The following GTF2IRD1 variants were observed in gnomAD, a reference collection of about 807,000 sequenced individuals.
The protein encoded by GTF2IRD1 is GTF2I repeat domain containing 1.
Under a neutral mutation model 113.2 loss-of-function variants are expected in GTF2IRD1, and 26 were observed. That is an observed-to-expected ratio of 0.23 (90% CI 0.17 to 0.32). GTF2IRD1 has a LOEUF of 0.32. GTF2IRD1 is among the 10% of genes least tolerant of loss of function. GTF2IRD1 has a pLI of 1.00. For synonymous variants in GTF2IRD1, 484 were observed against 529.1 expected, an observed-to-expected ratio of 0.91 and a Z score of 1.17; for missense variants, 864 against 1,280.8, an observed-to-expected ratio of 0.67 and a Z score of 4.97.
intron 1 of GTF2IRD1, among the ~76,000 whole-genome samples, chr7:74,493,634 G>T (rs1203056003): frequency 6.6e-6 from 1 of 152,136 alleles, no homozygotes; most frequent in Non-Finnish European, 1.5e-5. Flanking sequence ...CTAGTAGACA[G>T]GTTCTCCTGT....
intron 19 of GTF2IRD1, among the ~76,000 whole-genome samples, chr7:74,556,803 T>C (rs1583877983): frequency 6.6e-6 from 1 of 150,744 alleles, no homozygotes; most frequent in East Asian, 2.0e-4. Flanking sequence ...TTTGTATTTT[T>C]AGTAGAGATA....
intron 3 of GTF2IRD1, among the ~76,000 whole-genome samples, chr7:74,514,683 G>C (rs1796823508): frequency 6.6e-6 from 1 of 151,894 alleles, no homozygotes; most frequent in Non-Finnish European, 1.5e-5. Context: ...TGGAGCAGGG[G>C]TTGGGGGGTG....
chr7:74,542,197 C>T (rs1326153559), intron 14 of GTF2IRD1, among the ~76,000 whole-genome samples: 2 of 151,910 alleles, frequency 1.3e-5, no homozygotes, highest in Non-Finnish European at 2.9e-5. Flanking sequence ...AGTTCAAGAT[C>T]AGCCTGGCCA....
chr7:74,602,417 GA>G lies in GTF2IRD1; in HGVS notation c.2820del (p.Pro941LeufsTer9), dbSNP rs1554374424. 1 of 1,613,628 alleles carries G rather than the reference GA, an allele frequency of 6.2e-7. No individual in the cohort carries two copies. Among genetic ancestry groups the G allele is most frequent in the Non-Finnish European group, 8.5e-7 (1 of 1,179,740 alleles). On this transcript the variant is annotated frameshift_variant, in exon 27 of 27. Coordinates refer to ENST00000424337, the MANE Select transcript of GTF2IRD1 (RefSeq NM_005685.4). LOFTEE classifies it high-confidence loss of function. ...DYAGLNVQLPGPLNY is the reference protein window; with the variant it reads ...DYAGLNVQLPXPLNY ...GCCGGCCTGAACGTGCAGCTCCCGG[GA>G]CCTCTTAATTACTAGACCTCAGTAC...
intron 22 of GTF2IRD1, among the ~76,000 whole-genome samples, chr7:74,571,895 A>G (rs1800713991): frequency 6.6e-6 from 1 of 152,052 alleles, no homozygotes; most frequent in Non-Finnish European, 1.5e-5. Context: ...GAGGAAGATC[A>G]TTCCACTTAC....
intron 9 of GTF2IRD1, 151 bp downstream of exon 9, chr7:74,530,068 G>A (rs1460384324): frequency 3.6e-6 from 2 of 560,104 alleles, no homozygotes; most frequent in African/African-American, 1.9e-5. Context: ...AAATTAGCCA[G>A]GTGTGGTGGT....
chr7:74,519,146 C>T (rs1182608120), intron 5 of GTF2IRD1, among the ~76,000 whole-genome samples: 6 of 152,222 alleles, frequency 3.9e-5, no homozygotes, highest in African/African-American at 1.4e-4. Context: ...CAATCAACCG[C>T]ACCTGGCGGG....
rs138659089 is a variant in GTF2IRD1, at chr7:74,572,551, G to T, written c.2320+12896G>T. 5,835 of 981,276 alleles carry T rather than the reference G, an allele frequency of 5.9e-3. 27 individuals are homozygous for T. The highest frequency in any genetic ancestry group is 6.2e-3 in the Non-Finnish European group (5,129 of 826,210). The allele number at this position is 981,276 out of a possible 1,614,324, so 60.8% of individuals were successfully genotyped here. The stretch of plus-strand genomic sequence containing the variant: ...CTTTGGGTCTCCATTTCTTTGACGT[G>T]ATACAGAACAAGGACATCCTCCATG... On this transcript the variant is annotated intron_variant, in intron 22 of 26. Transcript: ENST00000424337.
Position 74,515,487 on chromosome 7 carries a change from G to T in GTF2IRD1, c.312G>T (p.Val104=). ...CGGAGGCAGAGCACCCCAAGAAGGT[G>T]CAGCGGGGCGAGGGTGGAGGCCGTA... ...KDPEAEHPKK[V]QRGEGGGRSL... is the part of the protein sequence containing the mutation. Residue 104 remains valine (V), a synonymous_variant, in exon 4 of 27, where the codon GTG becomes GTT. Transcript: ENST00000424337. 1 of 1,610,736 alleles carries T rather than the reference G, an allele frequency of 6.2e-7. No individual in the cohort carries two copies.
At chr7:74,496,524 G>C (rs1033008765) in intron 1 of GTF2IRD1, among the ~76,000 whole-genome samples, 2 of 141,650 alleles carry the variant, frequency 1.4e-5, no homozygotes, top group Non-Finnish European at 3.0e-5. Flanking sequence ...TGCGTGTGTG[G>C]GTGTGCATGT....
chr7:74,576,246 T>C (rs1414282436), intron 22 of GTF2IRD1, among the ~76,000 whole-genome samples: 4 of 151,798 alleles, frequency 2.6e-5, no homozygotes, highest in African/African-American at 9.7e-5. Context: ...AAGTCTGAAA[T>C]GAGTCTTCCA....
At chr7:74,514,314 C>A (rs1462545323) in intron 3 of GTF2IRD1, among the ~76,000 whole-genome samples, 3 of 152,122 alleles carry the variant, frequency 2.0e-5, no homozygotes, top group Admixed American at 2.0e-4. Context: ...AGCCCCCCAC[C>A]CCCCTCAGCC....
Position 74,601,146 on chromosome 7 carries a change from A to C in GTF2IRD1, c.2732A>C (p.Asp911Ala), listed in dbSNP as rs781996498. ...TCCTCTTCCTCGTCCTCTAACCCGG[A>C]TTCAGTGGCATCGGCCAACCAGATC... ...SSSSSSSSNP[D>A]SVASANQISL... The change falls in exon 26 of 27, where the codon GAT becomes GCT. Residue 911 changes from aspartate (D) to alanine (A), a missense_variant. By Grantham distance (126) the Asp-to-Ala change is moderately radical (BLOSUM62 -2). Coordinates refer to ENST00000424337, the MANE Select transcript of GTF2IRD1 (RefSeq NM_005685.4). The C allele has an allele frequency of 6.2e-7, 1 of 1,608,310 alleles. No individual in the cohort carries two copies. The highest frequency in any genetic ancestry group is 8.5e-7 in the Non-Finnish European group (1 of 1,177,288).
chr7:74,532,508 C>T (rs1798019621), intron 9 of GTF2IRD1, among the ~76,000 whole-genome samples: 1 of 152,202 alleles, frequency 6.6e-6, no homozygotes, highest in African/African-American at 2.4e-5. Context: ...GAGCTATGAT[C>T]ACGCCACTGC....
chr7:74,545,906 C>T, intron 16 of GTF2IRD1, 97 bp downstream of exon 16: 1 of 877,452 alleles, frequency 1.1e-6, no homozygotes. Flanking sequence ...TGCCTGTTCC[C>T]ATCCCAGCTG....
At chr7:74,565,532 G>A (rs927741251) in intron 22 of GTF2IRD1, among the ~76,000 whole-genome samples, 55 of 129,952 alleles carry the variant, frequency 4.2e-4, no homozygotes, top group Non-Finnish European at 6.3e-4. Flanking sequence ...CACAAAAAAA[G>A]AAAGAAAAAA....
At chr7:74,500,916 G>T (rs1795995917) in intron 1 of GTF2IRD1, among the ~76,000 whole-genome samples, 1 of 152,092 alleles carries the variant, frequency 6.6e-6, no homozygotes, top group Non-Finnish European at 1.5e-5. Context: ...TAGAGGTGGG[G>T]TCTTGCTATG....
At chr7:74,562,065 G>A (rs1267505656) in intron 22 of GTF2IRD1, among the ~76,000 whole-genome samples, 4 of 152,190 alleles carry the variant, frequency 2.6e-5, no homozygotes, top group Non-Finnish European at 4.4e-5. Flanking sequence ...CTGGGAACAC[G>A]TCCAGGCTCC....
intron 11 of GTF2IRD1, among the ~76,000 whole-genome samples, chr7:74,537,814 A>T (rs1360970676): frequency 3.3e-5 from 5 of 152,182 alleles, no homozygotes; most frequent in Non-Finnish European, 5.9e-5. Context: ...GCAGTGATCA[A>T]ACCCCCAGTG....
Sources: gnomAD v4.1 joint callset for allele counts (sites outside exome capture counted in the v4.1 genomes callset) on GRCh38, gnomAD v4.1.1 for gene constraint, MANE v1.5 for transcripts, NCBI Gene and HGNC (gene_info 2026-07-23, HGNC 2026-07-21) for gene names.